Variants in RBFOX1 observed in about 807,000 individuals in gnomAD.
RBFOX1 encodes RNA binding fox-1 homolog 1.
In RBFOX1, 8 loss-of-function variants were observed where a neutral mutation model predicts 57.7. The ratio of observed to expected loss-of-function variants is 0.14; its 90% CI spans 0.08 to 0.25. RBFOX1 has a LOEUF of 0.25. Among genes scored for constraint, RBFOX1 ranks in the 10% least tolerant of loss-of-function variants. The pLI, the probability that RBFOX1 is intolerant of heterozygous loss-of-function variation, is 1.00. For synonymous variants in RBFOX1, 326 were observed against 222.4 expected (o/e 1.47, Z -4.15); for missense variants, 611 against 548.5 (o/e 1.11, Z -1.14).
Position 7,350,248 on chromosome 16 carries a change from C to A in RBFOX1, c.28-167899C>A, listed in dbSNP as rs562093815. Among the ~76,000 whole-genome samples, 191 of 152,178 alleles carry A rather than the reference C, an allele frequency of 1.3e-3. 1 individual carries two copies. Among genetic ancestry groups the A allele is most frequent in the Non-Finnish European group, 2.2e-3 (151 of 68,006 alleles). ...TCAGATCTGATTGACAAGTAGGTGC[C>A]AGCTGTGTACAGTCGTGGGGTATGG... On this transcript the variant is annotated intron_variant, in intron 4 of 15. Transcript: ENST00000550418.
intron 4 of RBFOX1, among the ~76,000 whole-genome samples, chr16:7,096,650 A>C (rs1046926209): frequency 5.3e-5 from 8 of 152,044 alleles, no homozygotes; most frequent in African/African-American, 1.9e-4. Context: ...ACGGGGACTG[A>C]GTTGAGCAGG....
At chr16:7,286,206 T>G (rs1315934891) in intron 4 of RBFOX1, among the ~76,000 whole-genome samples, 1 of 152,080 alleles carries the variant, frequency 6.6e-6, no homozygotes, top group Non-Finnish European at 1.5e-5. Context: ...TAGCATGGAG[T>G]AAGCTCTAAT....
intron 5 of RBFOX1, among the ~76,000 whole-genome samples, chr16:7,545,650 C>G (rs1430938946): frequency 6.6e-6 from 1 of 152,130 alleles, no homozygotes; most frequent in Non-Finnish European, 1.5e-5. Context: ...GAATTAGAGC[C>G]AAATGCTCTG....
chr16:6,297,169 T>C (rs1277916409), intron 1 of RBFOX1, among the ~76,000 whole-genome samples: 2 of 152,086 alleles, frequency 1.3e-5, no homozygotes, highest in Non-Finnish European at 2.9e-5. Flanking sequence ...TTTTGGTAGG[T>C]TTTGGCCGGC....
intron 3 of RBFOX1, among the ~76,000 whole-genome samples, chr16:5,787,992 C>T (rs764666592): frequency 2.2e-4 from 34 of 152,190 alleles, no homozygotes; most frequent in Non-Finnish European, 3.7e-4. Flanking sequence ...GCATCCCTTC[C>T]AGCGGGGGCA....
At chr16:7,219,977 G>T (rs968289740) in intron 4 of RBFOX1, among the ~76,000 whole-genome samples, 1 of 152,154 alleles carries the variant, frequency 6.6e-6, no homozygotes, top group African/African-American at 2.4e-5. Context: ...TTGAATCTGA[G>T]TTCAGTTGGT....
At chr16:5,409,225 G>A (rs528908) in intron 1 of RBFOX1, among the ~76,000 whole-genome samples, 38,696 of 152,092 alleles carry the variant, frequency 0.25, 5,049 homozygotes, top group South Asian at 0.31. Context: ...ATCAGAAGGC[G>A]ATGGCTTGGC....
At chr16:5,607,554 G>A (rs769610436) in intron 3 of RBFOX1, among the ~76,000 whole-genome samples, 1 of 152,158 alleles carries the variant, frequency 6.6e-6, no homozygotes, top group Non-Finnish European at 1.5e-5. Flanking sequence ...CTACGGATGG[G>A]GAGTGAAGGT....
intron 2 of RBFOX1, among the ~76,000 whole-genome samples, chr16:6,379,361 A>T (rs1019034278): frequency 6.6e-6 from 1 of 152,160 alleles, no homozygotes; most frequent in African/African-American, 2.4e-5. Context: ...GTTAGCCAGG[A>T]TATTCCTGCC....
intron 7 of RBFOX1, among the ~76,000 whole-genome samples, chr16:7,587,567 G>A (rs1040764731): frequency 2.6e-5 from 4 of 152,046 alleles, no homozygotes; most frequent in African/African-American, 4.8e-5. Context: ...AAATAATGAT[G>A]TTGCTACATT....
At chr16:6,687,121 G>A (rs1175477033) in intron 3 of RBFOX1, among the ~76,000 whole-genome samples, 1 of 152,140 alleles carries the variant, frequency 6.6e-6, no homozygotes, top group Non-Finnish European at 1.5e-5. Context: ...TGTTGTTATT[G>A]TTATTACTTG....
intron 3 of RBFOX1, among the ~76,000 whole-genome samples, chr16:5,801,573 G>T (rs1392387884): frequency 6.6e-6 from 1 of 152,018 alleles, no homozygotes; most frequent in African/African-American, 2.4e-5. Context: ...GGATGAGTGG[G>T]GTTTGGTTAC....
intron 3 of RBFOX1, among the ~76,000 whole-genome samples, chr16:5,836,921 A>G (rs891850433): frequency 9.9e-5 from 15 of 152,054 alleles, no homozygotes; most frequent in African/African-American, 3.4e-4. Context: ...CTGGTCTCCA[A>G]CCTCACTTCT....
chr16:6,371,423 T>A (rs965794848), intron 2 of RBFOX1, among the ~76,000 whole-genome samples: 1 of 152,240 alleles, frequency 6.6e-6, no homozygotes. Flanking sequence ...TTTTATTCTA[T>A]GAACTACAAT....
rs980654299 is a variant in RBFOX1 at position 7,351,322 on chromosome 16, A to G, written c.28-166825A>G. Among the ~76,000 whole-genome samples, 4 of 152,372 alleles carry G rather than the reference A, an allele frequency of 2.6e-5. No homozygotes were observed. In the South Asian group the frequency reaches 8.3e-4, roughly 32 times the overall value. ...AAGGGTAGTAGAAAGGTTATTACGC[A>G]TTGACTGGTTAGTTCATTCCTTTGA... On this transcript the variant is annotated intron_variant, in intron 4 of 15. Transcript: ENST00000550418.
chr16:7,508,873 T>C lies in RBFOX1; in HGVS notation c.28-9274T>C, dbSNP rs558929633. Among the ~76,000 whole-genome samples the C allele has an allele frequency of 2.0e-5, 3 of 152,326 alleles. No individual in the cohort carries two copies. The South Asian group carries it at 6.2e-4, about 32-fold the overall frequency. ...CAGTAGGGGAAGATCTCTCTTTCCA[T>C]AGCAAGGAGCCTTGGTGATAAGCAG... On this transcript the variant is annotated intron_variant, in intron 4 of 15. Coordinates refer to ENST00000550418, the MANE Select transcript of RBFOX1 (RefSeq NM_018723.4).
chr16:5,619,143 C>T (rs1236504796), intron 3 of RBFOX1, among the ~76,000 whole-genome samples: 1 of 152,166 alleles, frequency 6.6e-6, no homozygotes, highest in Non-Finnish European at 1.5e-5. Flanking sequence ...ACAAGACGTG[C>T]AAAGGGGTTA....
At chr16:7,571,362 C>G (rs1292175511) in intron 5 of RBFOX1, among the ~76,000 whole-genome samples, 2 of 152,148 alleles carry the variant, frequency 1.3e-5, no homozygotes, top group Non-Finnish European at 2.9e-5. Flanking sequence ...TATCTCTACA[C>G]GACTATGCAT....
At chr16:7,060,848 T>C (rs1260211164) in intron 4 of RBFOX1, among the ~76,000 whole-genome samples, 2 of 152,202 alleles carry the variant, frequency 1.3e-5, no homozygotes, top group African/African-American at 4.8e-5. Context: ...AAAGCATTCC[T>C]CTGTAAGCAT....
Sources: allele counts gnomAD v4.1 joint callset (sites outside exome capture counted in the v4.1 genomes callset), GRCh38; gene constraint gnomAD v4.1.1; transcripts MANE v1.5; gene names NCBI Gene and HGNC (gene_info 2026-07-23, HGNC 2026-07-21).